MTUS2: variants seen among roughly 807,000 people sequenced by gnomAD.
MTUS2 encodes microtubule associated scaffold protein 2, also known as microtubule-associated tumor suppressor candidate 2.
Under a neutral mutation model 114.1 loss-of-function variants are expected in MTUS2, and 40 were observed. The ratio of observed to expected loss-of-function variants is 0.35; its 90% CI spans 0.27 to 0.46. MTUS2 has a LOEUF of 0.46. MTUS2 is among the 20% of genes least tolerant of loss of function. The probability of loss-of-function intolerance (pLI) is 1.00; values close to 1 mark genes in which losing one functional copy is unlikely to be tolerated. For synonymous variants in MTUS2, 688 were observed against 672.0 expected (o/e 1.02, Z -0.37); for missense variants, 1,679 against 1,705.4 (o/e 0.98, Z 0.27).
intron 8 of MTUS2, among the ~76,000 whole-genome samples, chr13:29,414,363 C>T (rs1262466890): frequency 1.5e-4 from 17 of 110,142 alleles, no homozygotes; most frequent in Middle Eastern, 8.3e-3. Flanking sequence ...CTAGATGACA[C>T]GTTAGTGGGT....
intron 5 of MTUS2, among the ~76,000 whole-genome samples, chr13:29,108,316 TCAGA>T (rs1180302399): frequency 6.6e-6 from 1 of 152,206 alleles, no homozygotes; most frequent in Non-Finnish European, 1.5e-5. Flanking sequence ...TCAGAAGCAC[TCAGA>T]CAATGATGAG....
At chr13:29,457,864 A>G (rs888007500) in intron 9 of MTUS2, among the ~76,000 whole-genome samples, 4 of 152,116 alleles carry the variant, frequency 2.6e-5, no homozygotes, top group Non-Finnish European at 5.9e-5. Context: ...AAAGTATCTC[A>G]TGATGGTTTT....
At chr13:29,297,489 A>G (rs947657404) in intron 6 of MTUS2, among the ~76,000 whole-genome samples, 2 of 152,220 alleles carry the variant, frequency 1.3e-5, no homozygotes, top group Admixed American at 6.5e-5. Context: ...TGTAGCAGGA[A>G]TCAACCTAAG....
chr13:29,004,985 C>A (rs1346330865), intron 2 of MTUS2, among the ~76,000 whole-genome samples: 1 of 152,166 alleles, frequency 6.6e-6, no homozygotes, highest in African/African-American at 2.4e-5. Flanking sequence ...TAAAGGAGGA[C>A]TTCAGGGCTG....
chr13:29,218,520 G>A (rs931134856), intron 5 of MTUS2, among the ~76,000 whole-genome samples: 1 of 152,166 alleles, frequency 6.6e-6, no homozygotes, highest in African/African-American at 2.4e-5. Context: ...AATTTACTTT[G>A]CCCAGATCCA....
chr13:29,337,806 T>TTTTTTTG (rs1901157226), intron 7 of MTUS2, among the ~76,000 whole-genome samples: 1 of 150,580 alleles, frequency 6.6e-6, no homozygotes, highest in Non-Finnish European at 1.5e-5. Context: ...TTTTTTTTTT[T>TTTTTTTG]GAGACAGAGT....
chr13:28,909,364 A>C (rs929461551), intron 2 of MTUS2, among the ~76,000 whole-genome samples: 1 of 151,668 alleles, frequency 6.6e-6, no homozygotes, highest in Non-Finnish European at 1.5e-5. Flanking sequence ...CTTTTATTTC[A>C]TTGAGCAGTG....
chr13:29,081,215 C>G (rs921818934), intron 4 of MTUS2, among the ~76,000 whole-genome samples: 4 of 151,922 alleles, frequency 2.6e-5, no homozygotes, highest in Non-Finnish European at 5.9e-5. Context: ...TTTGACTTTC[C>G]CACAAGCACC....
chr13:28,852,352 C>G (rs1292125888), intron 2 of MTUS2, among the ~76,000 whole-genome samples: 1 of 152,024 alleles, frequency 6.6e-6, no homozygotes, highest in African/African-American at 2.4e-5. Flanking sequence ...CCGTTATTTC[C>G]CCACACCTTG....
At position 29,281,859 on chromosome 13, in the gene MTUS2, C is replaced by A. The variant is rs1242292179; in HGVS notation, c.2800C>A (p.Pro934Thr). ...TCCAGCGCCAAAATCCACTTCCACA[C>A]CCGCTGGTAAGACTTTGTGCCTTGG... is the stretch of plus-strand genomic sequence containing the variant. ...LLPAPKSTST[P>T]AGTKKDAQKD... The change falls in exon 6 of 16, where the codon CCC (proline) becomes ACC (threonine). Residue 934 changes from proline to threonine, a missense_variant. Physicochemically the swap from Pro to Thr is conservative, Grantham distance 38. This residue lies in a region of MTUS2 where 822 missense variants were observed against 899.7 expected (regional missense o/e 0.91). Transcript: ENST00000612955. The A allele has an allele frequency of 6.3e-7, 1 of 1,594,590 alleles. No individual in the cohort carries two copies. Among genetic ancestry groups the A allele is most frequent in the Non-Finnish European group, 8.6e-7 (1 of 1,167,564 alleles).
At chr13:29,293,594 A>C in intron 6 of MTUS2, among the ~76,000 whole-genome samples, 1 of 152,206 alleles carries the variant, frequency 6.6e-6, no homozygotes, top group South Asian at 2.1e-4. Context: ...ACCCTCTCAA[A>C]AACATCCTTG....
chr13:29,285,103 AGG>A (rs1730476459), intron 6 of MTUS2, among the ~76,000 whole-genome samples: 1 of 151,778 alleles, frequency 6.6e-6, no homozygotes, highest in South Asian at 2.1e-4. Flanking sequence ...GAAAAAAAAA[AGG>A]AAAAACTGAA....
chr13:29,503,309 C>G lies in MTUS2; in HGVS notation c.*103C>G. 1 of 1,332,408 alleles carries G rather than the reference C, an allele frequency of 7.5e-7. No individual in the cohort carries two copies. Among genetic ancestry groups the G allele is most frequent in the East Asian group, 2.5e-5 (1 of 40,788 alleles). The allele number at this position is 1,332,408 out of a possible 1,614,324, so 82.5% of individuals were successfully genotyped here. A position where few individuals can be genotyped will look rare whatever the true frequency, so the allele number is the denominator to read the frequency against. ...CCGGAGCTGGCCCTGTGCGCATGCT[C>G]AGTAGCTGCGAATGCATCCTAGGCG... On this transcript the variant is annotated 3_prime_UTR_variant, in exon 16 of 16. Transcript: ENST00000612955.
At chr13:28,854,345 G>A (rs1421568899) in intron 2 of MTUS2, among the ~76,000 whole-genome samples, 1 of 152,180 alleles carries the variant, frequency 6.6e-6, no homozygotes, top group Admixed American at 6.5e-5. Context: ...TTCTAGTTAT[G>A]TTGCTTACAA....
intron 6 of MTUS2, among the ~76,000 whole-genome samples, chr13:29,291,450 G>A (rs1361050108): frequency 6.6e-6 from 1 of 152,216 alleles, no homozygotes; most frequent in Non-Finnish European, 1.5e-5. Context: ...CAGAGGGGAG[G>A]TACTAGGGTG....
intron 5 of MTUS2, among the ~76,000 whole-genome samples, chr13:29,266,131 G>A (rs1388198866): frequency 6.6e-6 from 1 of 152,184 alleles, no homozygotes; most frequent in Non-Finnish European, 1.5e-5. Context: ...GCTCCATGTT[G>A]TGTTAATGGG....
At chr13:29,446,801 C>G (rs368142718) in intron 9 of MTUS2, among the ~76,000 whole-genome samples, 16 of 152,146 alleles carry the variant, frequency 1.1e-4, no homozygotes, top group Admixed American at 7.9e-4. Flanking sequence ...CTCTCTCTCC[C>G]TCCCATGCAC....
intron 4 of MTUS2, among the ~76,000 whole-genome samples, chr13:29,056,590 T>G (rs901279553): frequency 1.6e-4 from 24 of 152,070 alleles, no homozygotes; most frequent in African/African-American, 5.8e-4. Flanking sequence ...TTCTAGGAAT[T>G]TATCCATTTC....
chr13:29,472,134 C>T (rs955569301), intron 9 of MTUS2, among the ~76,000 whole-genome samples: 2 of 152,184 alleles, frequency 1.3e-5, no homozygotes, highest in African/African-American at 4.8e-5. Flanking sequence ...AAGCGATTCT[C>T]CTGCCTCAGC....
Sources: gnomAD v4.1 joint callset for allele counts (sites outside exome capture counted in the v4.1 genomes callset) on GRCh38, gnomAD v4.1.1 for gene constraint, gnomAD v4.1.1 regional missense constraint, MANE v1.5 for transcripts, NCBI Gene and HGNC (gene_info 2026-07-23, HGNC 2026-07-21) for gene names.